The following LYPLAL1 variants were observed in gnomAD, a reference collection of about 807,000 sequenced individuals.
LYPLAL1 encodes lysophospholipase-like protein 1.
LYPLAL1 carries 23 observed loss-of-function variants against 19.7 expected under a neutral mutation model. The ratio of observed to expected loss-of-function variants is 1.17; its 90% CI spans 0.84 to 1.65. The LOEUF (loss-of-function observed/expected upper bound fraction) is 1.65. Among genes scored for constraint, LYPLAL1 ranks in the 40% most tolerant of loss-of-function variants. The pLI, the probability that LYPLAL1 is intolerant of heterozygous loss-of-function variation, is 0.00. For synonymous variants in LYPLAL1, 119 were observed against 96.3 expected (o/e 1.24, Z -1.38); for missense variants, 355 against 279.4 (o/e 1.27, Z -1.93).
the LYPLAL1 span, among the ~76,000 whole-genome samples, chr1:219,430,982 G>A: frequency 7.9e-5 from 12 of 151,932 alleles, no homozygotes; most frequent in African/African-American, 2.2e-4. Context: ...TCAGAACCTC[G>A]GAAGAGTTTT....
chr1:219,229,503 A>G, the LYPLAL1 span, among the ~76,000 whole-genome samples: 1 of 152,174 alleles, frequency 6.6e-6, no homozygotes, highest in African/African-American at 2.4e-5. Flanking sequence ...CTCCAAGCCC[A>G]TGTATCATCC....
At chr1:219,382,206 T>C in the LYPLAL1 span, among the ~76,000 whole-genome samples, 5 of 152,200 alleles carry the variant, frequency 3.3e-5, no homozygotes, top group African/African-American at 1.2e-4. Flanking sequence ...TACATCTCAG[T>C]GTTTCCTTCA....
chr1:219,340,964 G>A, the LYPLAL1 span, among the ~76,000 whole-genome samples: 1 of 151,966 alleles, frequency 6.6e-6, no homozygotes, highest in East Asian at 1.9e-4. Context: ...AGCTCTGAGG[G>A]CTTCCTCTAA....
At chr1:219,309,205 G>A in the LYPLAL1 span, among the ~76,000 whole-genome samples, 6 of 152,076 alleles carry the variant, frequency 3.9e-5, no homozygotes, top group African/African-American at 1.4e-4. Context: ...AAACCCCTTT[G>A]TTATGGCCAG....
intron 3 of LYPLAL1, among the ~76,000 whole-genome samples, chr1:219,201,783 A>T (rs1658124295): frequency 6.6e-6 from 1 of 152,352 alleles, no homozygotes; most frequent in East Asian, 1.9e-4. Flanking sequence ...GGAATTATAC[A>T]CATGCCACAA....
chr1:219,231,910 A>G, the LYPLAL1 span, among the ~76,000 whole-genome samples: 1 of 152,238 alleles, frequency 6.6e-6, no homozygotes, highest in Non-Finnish European at 1.5e-5. Context: ...ACTAGCTGTC[A>G]TATTTTCACT....
chr1:219,243,826 G>T, the LYPLAL1 span, among the ~76,000 whole-genome samples: 271 of 151,636 alleles, frequency 1.8e-3, 1 homozygote, highest in Non-Finnish European at 2.9e-3. Flanking sequence ...GGCTGAGACA[G>T]GAGAATCGCT....
rs141271643 is a variant in LYPLAL1, at chr1:219,203,109, T to C, written c.362-7423T>C. 4.6e-3 allele frequency among the ~76,000 whole-genome samples: 701 copies of C among 152,336 alleles called. 4 individuals carry two copies. The highest frequency in any genetic ancestry group is 0.016 in the African/African-American group (655 of 41,578). On this transcript the variant is annotated intron_variant, in intron 3 of 4. Coordinates refer to ENST00000366928, the MANE Select transcript of LYPLAL1 (RefSeq NM_138794.5). ...ACCTTTTATTTTGTTTAATAATCTG[T>C]TCAGATTTCTGATTTAATGTAAGAC...
the LYPLAL1 span, among the ~76,000 whole-genome samples, chr1:219,373,883 A>AAC: frequency 3.6e-4 from 1 of 2,758 alleles, no homozygotes; most frequent in African/African-American, 4.8e-4. Flanking sequence ...AAAAAAAAAC[A>AAC]AAAAAAAAAA....
chr1:219,272,606 A>T, the LYPLAL1 span: 1 of 152,092 alleles, frequency 6.6e-6, no homozygotes, highest in Non-Finnish European at 1.5e-5. Flanking sequence ...CCCCATCTTT[A>T]CTAAAAACAA....
At chr1:219,373,156 C>T in the LYPLAL1 span, among the ~76,000 whole-genome samples, 4 of 152,120 alleles carry the variant, frequency 2.6e-5, no homozygotes, top group African/African-American at 7.2e-5. Context: ...CATTGGTGTG[C>T]GTACATGTAG....
chr1:219,330,131 TA>T, the LYPLAL1 span, among the ~76,000 whole-genome samples: 1 of 152,012 alleles, frequency 6.6e-6, no homozygotes, highest in Non-Finnish European at 1.5e-5. Context: ...GACAAAGTCC[TA>T]AAAAAAATTA....
chr1:219,248,007 G>A, the LYPLAL1 span, among the ~76,000 whole-genome samples: 1 of 151,962 alleles, frequency 6.6e-6, no homozygotes. Context: ...TCTCTATTAA[G>A]AAAACACTAT....
the LYPLAL1 span, among the ~76,000 whole-genome samples, chr1:219,273,849 C>T: frequency 7.2e-5 from 11 of 152,106 alleles, no homozygotes; most frequent in Admixed American, 6.6e-4. Context: ...GCAACCTCCG[C>T]CTCCCAGGTT....
the LYPLAL1 span, among the ~76,000 whole-genome samples, chr1:219,360,440 A>G: frequency 7.2e-5 from 11 of 152,208 alleles, no homozygotes; most frequent in Non-Finnish European, 1.6e-4. Flanking sequence ...ACATCGGAGT[A>G]GTCATTTGAC....
chr1:219,377,597 T>C, the LYPLAL1 span, among the ~76,000 whole-genome samples: 12 of 152,198 alleles, frequency 7.9e-5, no homozygotes, highest in Admixed American at 7.2e-4. Context: ...GACTCACCTG[T>C]AGAAATAAAA....
chr1:219,330,854 T>C, the LYPLAL1 span, among the ~76,000 whole-genome samples: 1 of 152,196 alleles, frequency 6.6e-6, no homozygotes. Flanking sequence ...TGATTGACTG[T>C]TGTTTGACCA....
chr1:219,408,996 G>A, the LYPLAL1 span, among the ~76,000 whole-genome samples: 1 of 152,166 alleles, frequency 6.6e-6, no homozygotes, highest in African/African-American at 2.4e-5. Context: ...TGTGTTGGTA[G>A]GATGCAGGAT....
the LYPLAL1 span, chr1:219,271,635 TA>T: frequency 6.6e-6 from 1 of 152,252 alleles, no homozygotes; most frequent in Admixed American, 6.5e-5. Context: ...CTTATCAGAC[TA>T]ATGTTCAGAT....
Sources: gnomAD v4.1 joint callset for allele counts (sites outside exome capture counted in the v4.1 genomes callset) on GRCh38, gnomAD v4.1.1 for gene constraint, MANE v1.5 for transcripts, NCBI Gene and HGNC (gene_info 2026-07-23, HGNC 2026-07-21) for gene names.